KAZN: variants seen among roughly 807,000 people sequenced by gnomAD.
The protein encoded by KAZN is kazrin, periplakin interacting protein.
In KAZN, 40 loss-of-function variants were observed where a neutral mutation model predicts 87.4. That is an observed-to-expected ratio of 0.46 (90% CI 0.36 to 0.60). The LOEUF is 0.60. Ranked by LOEUF, KAZN falls within the 20% of genes least tolerant of loss-of-function variation. The pLI is 0.00. For synonymous variants in KAZN, 466 were observed against 458.3 expected, an observed-to-expected ratio of 1.02 and a Z score of -0.22; for missense variants, 898 against 1,073.9, an observed-to-expected ratio of 0.84 and a Z score of 2.29.
At chr1:14,556,645 G>T in intron 2 of KAZN, among the ~76,000 whole-genome samples, 1 of 151,396 alleles carries the variant, frequency 6.6e-6, no homozygotes, top group East Asian at 1.9e-4. Flanking sequence ...ATTGATAGTT[G>T]TTCACTGTCA....
intron 2 of KAZN, among the ~76,000 whole-genome samples, chr1:14,294,681 T>A (rs1165951830): frequency 7.0e-6 from 1 of 142,780 alleles, no homozygotes; most frequent in African/African-American, 2.5e-5. Context: ...CCAGGGAAAC[T>A]GCCCAGGCTC....
intron 2 of KAZN, among the ~76,000 whole-genome samples, chr1:14,334,866 C>T (rs1378477327): frequency 6.6e-6 from 1 of 152,020 alleles, no homozygotes; most frequent in South Asian, 2.1e-4. Flanking sequence ...GACAGAGACA[C>T]AGACAGATGC....
intron 2 of KAZN, among the ~76,000 whole-genome samples, chr1:14,981,376 T>G (rs183543701): frequency 3.0e-3 from 458 of 152,372 alleles, no homozygotes; most frequent in Non-Finnish European, 3.9e-3. Flanking sequence ...TAAATCCATG[T>G]TTTTTAGGTA....
At chr1:15,107,214 G>A (rs1268336660) in intron 13 of KAZN, among the ~76,000 whole-genome samples, 2 of 152,208 alleles carry the variant, frequency 1.3e-5, no homozygotes, top group Admixed American at 1.3e-4. Context: ...GCACTTGGGT[G>A]ATCCATGTCC....
chr1:14,658,224 C>G (rs1638924013), intron 1 of KAZN, among the ~76,000 whole-genome samples: 1 of 152,288 alleles, frequency 6.6e-6, no homozygotes, highest in South Asian at 2.1e-4. Context: ...CACATCTTAG[C>G]TCTGTGACCT....
chr1:14,235,451 GA>G (rs1339627544), intron 2 of KAZN, among the ~76,000 whole-genome samples: 43 of 152,184 alleles, frequency 2.8e-4, no homozygotes, highest in Non-Finnish European at 4.4e-5. Flanking sequence ...GTTGTCAGCG[GA>G]GGGGGGATGT....
intron 1 of KAZN, among the ~76,000 whole-genome samples, chr1:14,699,041 G>A (rs1000416727): frequency 8.5e-5 from 13 of 152,314 alleles, no homozygotes; most frequent in African/African-American, 2.6e-4. Context: ...CTCTTCCAGC[G>A]TCTGGCTGTA....
rs529177063 is a variant in KAZN, at chr1:13,976,485, C to G, written c.91+82729C>G. On this transcript the variant is annotated intron_variant, in intron 1 of 16. Transcript: ENST00000636203. Reference sequence around the variant, plus strand: ...CCCCGCAGAAATTGCAGTAAGAAAGCCATCATATTAAAAATATCTAGGATG... The same window carrying G: ...CCCCGCAGAAATTGCAGTAAGAAAGGCATCATATTAAAAATATCTAGGATG... Among the ~76,000 whole-genome samples the G allele has an allele frequency of 6.3e-4, 96 of 151,706 alleles. 1 individual carries two copies. The highest frequency in any genetic ancestry group is 2.3e-3 in the African/African-American group (94 of 41,348).
chr1:15,114,743 G>A lies in KAZN; in HGVS notation c.*108G>A, dbSNP rs568949117. On this transcript the variant is annotated 3_prime_UTR_variant, in exon 15 of 15. Transcript: ENST00000376030. ...TACATAGCGGCCGCAGGCTGAGGATGTCCCTTGCTCCTGGGCAAAATCCCG... is the reference window on the plus strand; with the variant it reads ...TACATAGCGGCCGCAGGCTGAGGATATCCCTTGCTCCTGGGCAAAATCCCG... 3.5e-5 allele frequency: 41 copies of A among 1,170,604 alleles called. No homozygotes were observed. The highest frequency in any genetic ancestry group is 5.8e-4 in the Middle Eastern group (2 of 3,424). The allele number at this position is 1,170,604 out of a possible 1,614,324, so 72.5% of individuals were successfully genotyped here.
chr1:14,204,351 A>T (rs533133313), intron 2 of KAZN, among the ~76,000 whole-genome samples: 2 of 152,326 alleles, frequency 1.3e-5, no homozygotes, highest in Middle Eastern at 3.4e-3. Context: ...CTGACCTTTG[A>T]AAAAGAAATC....
chr1:14,694,585 A>AC (rs1641496573), intron 1 of KAZN, among the ~76,000 whole-genome samples: 1 of 152,188 alleles, frequency 6.6e-6, no homozygotes. Context: ...TTATCAAATG[A>AC]CCATCTAGGA....
rs558808583 is a variant in KAZN, at chr1:13,923,539, C to T, written c.91+29783C>T. The stretch of plus-strand genomic sequence containing the variant: ...AGTGAGCCGAGATCGCGCCACTGCA[C>T]TCCAGCCTGGGTGACAGAGCGAGAC... On this transcript the variant is annotated intron_variant, in intron 1 of 16. Coordinates refer to the KAZN transcript ENST00000636203. Among the ~76,000 whole-genome samples, 890 of 143,892 alleles carry T rather than the reference C, an allele frequency of 6.2e-3. 10 individuals are homozygous for T. Among genetic ancestry groups the T allele is most frequent in the African/African-American group, 0.022 (840 of 38,020 alleles). The allele number at this position is 143,892 out of a possible 152,430, so 94.4% of individuals were successfully genotyped here. A position where few individuals can be genotyped will look rare whatever the true frequency, so the allele number is the denominator to read the frequency against.
intron 1 of KAZN, among the ~76,000 whole-genome samples, chr1:14,789,466 C>A (rs1242976627): frequency 6.6e-6 from 1 of 152,126 alleles, no homozygotes; most frequent in Non-Finnish European, 1.5e-5. Flanking sequence ...AGTGGCTGAA[C>A]CTTTGCTCCT....
chr1:14,477,425 CCT>C (rs34725397), intron 2 of KAZN, among the ~76,000 whole-genome samples: 6 of 142,182 alleles, frequency 4.2e-5, no homozygotes, highest in Non-Finnish European at 3.1e-5. Context: ...TAATTCATTC[CCT>C]CTCTCTCTCT....
At chr1:14,514,357 A>G (rs1359902874) in intron 2 of KAZN, among the ~76,000 whole-genome samples, 2 of 27,974 alleles carry the variant, frequency 7.1e-5, no homozygotes, top group African/African-American at 3.2e-4. Context: ...TATATATTAT[A>G]TATATATTTA....
intron 2 of KAZN, among the ~76,000 whole-genome samples, chr1:15,001,510 C>T (rs1052237164): frequency 1.3e-5 from 2 of 151,804 alleles, no homozygotes; most frequent in African/African-American, 4.8e-5. Flanking sequence ...TGCCTCCAGG[C>T]CTTAGTTTCC....
chr1:15,011,053 G>T (rs1669525358), intron 2 of KAZN, among the ~76,000 whole-genome samples: 1 of 152,186 alleles, frequency 6.6e-6, no homozygotes, highest in African/African-American at 2.4e-5. Context: ...TAACCCAAAT[G>T]ATGTGTTCAC....
At position 14,514,346 on chromosome 1, in the gene KAZN, A is replaced by ATATAATT. The variant is rs1477285090; in HGVS notation, c.250-84633_250-84632insATTTATA. Among the ~76,000 whole-genome samples the ATATAATT allele has an allele frequency of 1.1e-3, 24 of 22,452 alleles. 2 individuals carry two copies. Among genetic ancestry groups the ATATAATT allele is most frequent in the African/African-American group, 5.1e-3 (24 of 4,724 alleles). 14.7% of individuals were successfully genotyped at this position (22,452 alleles called of 152,430 possible). A position where few individuals can be genotyped will look rare whatever the true frequency, so the allele number is the denominator to read the frequency against. ...TCTCAAAAAATTTATATATATATTT[A>ATATAATT]TATATATTATATATATATTTATATA... On this transcript the variant is annotated intron_variant, in intron 2 of 16. Transcript: ENST00000636203.
chr1:15,034,241 T>G (rs1672019974), intron 2 of KAZN, among the ~76,000 whole-genome samples: 1 of 152,258 alleles, frequency 6.6e-6, no homozygotes. Flanking sequence ...GTATTTTCTT[T>G]TGTTGCTCTA....
Sources: allele counts gnomAD v4.1 joint callset (sites outside exome capture counted in the v4.1 genomes callset), GRCh38; gene constraint gnomAD v4.1.1; transcripts MANE v1.5; gene names NCBI Gene and HGNC (gene_info 2026-07-23, HGNC 2026-07-21).